The following TENM1 variants were observed in gnomAD, a reference collection of about 807,000 sequenced individuals.
TENM1 encodes teneurin transmembrane protein 1.
Under a neutral mutation model 174.8 loss-of-function variants are expected in TENM1, and 35 were observed. The ratio of observed to expected loss-of-function variants is 0.20; its 90% CI spans 0.15 to 0.27. The LOEUF (loss-of-function observed/expected upper bound fraction) is 0.27, where lower values mean the gene tolerates loss of function less well. Ranked by LOEUF, TENM1 falls within the 10% of genes least tolerant of loss-of-function variation. The pLI, the probability that TENM1 is intolerant of heterozygous loss-of-function variation, is 1.00. For synonymous variants in TENM1, 781 were observed against 798.7 expected, an observed-to-expected ratio of 0.98 and a Z score of 0.37; for missense variants, 1,633 against 2,130.1, an observed-to-expected ratio of 0.77 and a Z score of 4.59.
At chrX:124,475,096 A>G (rs2061373039) in intron 22 of TENM1, among the ~76,000 whole-genome samples, 1 of 111,141 alleles carries the variant, frequency 9.0e-6, no homozygotes, top group Admixed American at 9.6e-5. Context: ...CAGAAGGAAG[A>G]CTTCAGTAAG....
At chrX:125,074,791 A>G in the TENM1 span, among the ~76,000 whole-genome samples, 4 of 110,903 alleles carry the variant, frequency 3.6e-5, no homozygotes, top group Non-Finnish European at 5.7e-5. Context: ...CACTGCCCAT[A>G]CTATTTTCCT....
chrX:125,125,857 A>G, the TENM1 span, among the ~76,000 whole-genome samples: 3 of 112,241 alleles, frequency 2.7e-5, no homozygotes, highest in African/African-American at 9.7e-5. Flanking sequence ...TGACATCTGT[A>G]GTCATGATTC....
At chrX:124,871,401 G>C (rs1049254509) in intron 3 of TENM1, among the ~76,000 whole-genome samples, 2 of 111,332 alleles carry the variant, frequency 1.8e-5, no homozygotes, top group African/African-American at 6.6e-5. Context: ...GTGGATGTAA[G>C]GTATTGCAAG....
intron 3 of TENM1, among the ~76,000 whole-genome samples, chrX:124,772,563 G>A (rs1254617073): frequency 9.0e-6 from 1 of 111,194 alleles, no homozygotes; most frequent in Admixed American, 9.5e-5. Flanking sequence ...CCCTTAAATG[G>A]CATATAAAAA....
At chrX:125,048,243 A>ATTTTTT in the TENM1 span, among the ~76,000 whole-genome samples, 24 of 64,194 alleles carry the variant, frequency 3.7e-4, no homozygotes, top group Middle Eastern at 0.011. Context: ...GTTTCGAAGC[A>ATTTTTT]TTTTTTTTTT....
At chrX:125,196,034 G>A in the TENM1 span, among the ~76,000 whole-genome samples, 1 of 107,741 alleles carries the variant, frequency 9.3e-6, no homozygotes, top group Non-Finnish European at 1.9e-5. Flanking sequence ...AGGAAGGAAG[G>A]AAGGAAGGAA....
intron 5 of TENM1, among the ~76,000 whole-genome samples, chrX:124,702,192 C>A: frequency 8.9e-6 from 1 of 111,822 alleles, no homozygotes. Context: ...CCACAGAAAG[C>A]CATTTAAAAA....
At chrX:124,700,581 G>A (rs1425537819) in intron 5 of TENM1, among the ~76,000 whole-genome samples, 1 of 111,472 alleles carries the variant, frequency 9.0e-6, no homozygotes, top group Non-Finnish European at 1.9e-5. Flanking sequence ...GAAGTTGCTA[G>A]CACTATAAGT....
At chrX:124,453,647 G>C (rs1357489133) in intron 22 of TENM1, among the ~76,000 whole-genome samples, 156 bp from the exon 26 acceptor site, 2 of 111,945 alleles carry the variant, frequency 1.8e-5, no homozygotes, top group Non-Finnish European at 3.8e-5. Flanking sequence ...GGAGAGGTTT[G>C]TTGGGGCATA....
chrX:125,184,223 C>T, the TENM1 span, among the ~76,000 whole-genome samples: 1 of 111,997 alleles, frequency 8.9e-6, no homozygotes, highest in Non-Finnish European at 1.9e-5. Flanking sequence ...TCCATTCATT[C>T]ACATTAGCTT....
At chrX:124,906,764 C>T (rs188473611) in intron 1 of TENM1, among the ~76,000 whole-genome samples, 270 of 111,591 alleles carry the variant, frequency 2.4e-3, no homozygotes, top group Non-Finnish European at 4.2e-3. Context: ...AATAATATAA[C>T]GACATAAACA....
chrX:124,582,886 G>A (rs5958531), intron 11 of TENM1, among the ~76,000 whole-genome samples: 3,608 of 112,243 alleles, frequency 0.032, 59 homozygotes, highest in African/African-American at 0.051. Flanking sequence ...ATTATATCCC[G>A]CACCTGGCTT....
chrX:124,820,769 AC>A (rs1159716995), intron 3 of TENM1, among the ~76,000 whole-genome samples: 1 of 112,574 alleles, frequency 8.9e-6, no homozygotes, highest in Non-Finnish European at 1.9e-5. Flanking sequence ...AGAAGAAGAA[AC>A]CTACTCAGGG....
intron 3 of TENM1, among the ~76,000 whole-genome samples, chrX:124,882,188 T>C (rs1569473160): frequency 8.9e-6 from 1 of 112,635 alleles, no homozygotes; most frequent in African/African-American, 3.2e-5. Context: ...GTTACTGATT[T>C]CTAGTTTAAT....
chrX:124,623,189 G>A (rs2050558593), intron 11 of TENM1, among the ~76,000 whole-genome samples: 1 of 111,831 alleles, frequency 8.9e-6, no homozygotes, highest in Admixed American at 9.5e-5. Context: ...GTGTATATGA[G>A]TGGGTAAGCA....
intron 15 of TENM1, among the ~76,000 whole-genome samples, chrX:124,543,822 C>T (rs2052322966): frequency 8.9e-6 from 1 of 112,319 alleles, no homozygotes; most frequent in Non-Finnish European, 1.9e-5. Context: ...GTTGTTACAC[C>T]ATCACACGGC....
the TENM1 span, among the ~76,000 whole-genome samples, chrX:124,991,827 C>T: frequency 1.8e-5 from 2 of 111,358 alleles, no homozygotes; most frequent in Admixed American, 9.6e-5. Context: ...AATTGTCTGA[C>T]ATCAAATCAG....
chrX:124,631,381 G>T (rs1228723508), intron 11 of TENM1, among the ~76,000 whole-genome samples: 1 of 111,132 alleles, frequency 9.0e-6, no homozygotes, highest in Non-Finnish European at 1.9e-5. Flanking sequence ...TAAATACGGA[G>T]AAATTGCTTA....
chrX:124,755,615 A>T lies in TENM1; in HGVS notation c.536-18418T>A, dbSNP rs797007973. Among the ~76,000 whole-genome samples the T allele has an allele frequency of 1.3e-4, 14 of 111,835 alleles. No individual in the cohort carries two copies. The East Asian group carries it at 3.9e-3, about 31-fold the overall frequency. On this transcript the variant is annotated intron_variant, in intron 3 of 31. Transcript: ENST00000422452. Reference sequence around the variant, plus strand: ...TCTTTACAATTTGGCATGATTTTGCAGTGGCTGGTACTGGTTGTTCCTTTC... The same window carrying T: ...TCTTTACAATTTGGCATGATTTTGCTGTGGCTGGTACTGGTTGTTCCTTTC...
Sources: gnomAD v4.1 joint callset for allele counts (sites outside exome capture counted in the v4.1 genomes callset) on GRCh38, gnomAD v4.1.1 for gene constraint, MANE v1.5 for transcripts, NCBI Gene and HGNC (gene_info 2026-07-23, HGNC 2026-07-21) for gene names.